The following BNC2 variants were observed in gnomAD, a reference collection of about 807,000 sequenced individuals.
BNC2 encodes the protein zinc finger protein basonuclin-2.
In BNC2, 20 loss-of-function variants were observed where a neutral mutation model predicts 76.3. The ratio of observed to expected loss-of-function variants is 0.26; its 90% CI spans 0.18 to 0.38. The LOEUF (loss-of-function observed/expected upper bound fraction) is 0.38. BNC2 is among the 10% of genes least tolerant of loss of function. The pLI is 1.00. For missense variants in BNC2, 1,382 were observed against 1,399.8 expected (o/e 0.99, Z 0.20); for synonymous variants, 582 against 514.8 (o/e 1.13, Z -1.77).
At chr9:16,448,553 C>T (rs963802405) in intron 5 of BNC2, among the ~76,000 whole-genome samples, 2 of 152,034 alleles carry the variant, frequency 1.3e-5, no homozygotes, top group African/African-American at 4.8e-5. Context: ...GATTGAACAA[C>T]CCCAAGGAAC....
At chr9:16,498,603 A>C (rs1163790587) in intron 5 of BNC2, among the ~76,000 whole-genome samples, 1 of 151,618 alleles carries the variant, frequency 6.6e-6, no homozygotes, top group Non-Finnish European at 1.5e-5. Context: ...CTCATAAATC[A>C]CCACTAAAGA....
At chr9:16,638,036 C>G (rs1001945893) in intron 3 of BNC2, among the ~76,000 whole-genome samples, 1 of 152,136 alleles carries the variant, frequency 6.6e-6, no homozygotes, top group Non-Finnish European at 1.5e-5. Context: ...TGGATGACTC[C>G]GAGCAGGATT....
intron 1 of BNC2, among the ~76,000 whole-genome samples, chr9:16,859,493 A>G (rs1269669381): frequency 2.0e-5 from 3 of 152,254 alleles, no homozygotes; most frequent in African/African-American, 4.8e-5. Context: ...GTATATACAT[A>G]TGATGAAATA....
intron 3 of BNC2, among the ~76,000 whole-genome samples, chr9:16,693,298 A>C (rs1324912401): frequency 6.6e-6 from 1 of 152,128 alleles, no homozygotes; most frequent in African/African-American, 2.4e-5. Flanking sequence ...AAAAGTAAAG[A>C]GTTTCCAGAG....
At chr9:16,777,679 C>T (rs1395256081) in intron 1 of BNC2, among the ~76,000 whole-genome samples, 13 of 134,312 alleles carry the variant, frequency 9.7e-5, no homozygotes, top group Non-Finnish European at 1.7e-4. Context: ...CCAGCCTTGG[C>T]GACAGGGCAA....
In BNC2 at chr9:16,607,474, G is replaced by A. The variant is rs551358276; in HGVS notation, c.331-24389C>T. 8.5e-5 allele frequency among the ~76,000 whole-genome samples: 13 copies of A among 152,230 alleles called. 1 individual carries two copies. The highest frequency in any genetic ancestry group is 2.2e-4 in the African/African-American group (9 of 41,544). On this transcript the variant is annotated intron_variant, in intron 3 of 6. Coordinates refer to ENST00000380672, the MANE Select transcript of BNC2 (RefSeq NM_017637.6). The stretch of plus-strand genomic sequence containing the variant: ...TTAGGCAGGTGGTTAAACTAAACAC[G>A]TCTAAAGGAAAGAGTTTTGATAACG...
At chr9:16,742,028 G>A (rs1824867317) in intron 1 of BNC2, among the ~76,000 whole-genome samples, 2 of 148,442 alleles carry the variant, frequency 1.3e-5, no homozygotes, top group Non-Finnish European at 3.0e-5. Context: ...ATAAATCATT[G>A]TCATTATGCA....
intron 3 of BNC2, among the ~76,000 whole-genome samples, chr9:16,701,502 G>C (rs1186499597): frequency 6.6e-6 from 1 of 152,172 alleles, no homozygotes; most frequent in Non-Finnish European, 1.5e-5. Context: ...AAAGTTATTA[G>C]TTAACAATTT....
At chr9:16,464,091 C>G (rs1821650637) in intron 5 of BNC2, among the ~76,000 whole-genome samples, 2 of 89,944 alleles carry the variant, frequency 2.2e-5, no homozygotes, top group Admixed American at 1.7e-4. Flanking sequence ...AAGACCCTGT[C>G]TCCAAAAAAA....
intron 3 of BNC2, among the ~76,000 whole-genome samples, chr9:16,613,961 T>C (rs949657401): frequency 1.3e-5 from 2 of 152,138 alleles, no homozygotes; most frequent in African/African-American, 4.8e-5. Context: ...AGATGAGCAG[T>C]ACCATATGGA....
intron 1 of BNC2, among the ~76,000 whole-genome samples, chr9:16,840,242 T>C (rs373840981): frequency 1.3e-5 from 2 of 152,294 alleles, no homozygotes; most frequent in African/African-American, 4.8e-5. Context: ...AACCTTACTA[T>C]TCCTTAATTT....
intron 1 of BNC2, among the ~76,000 whole-genome samples, chr9:16,856,359 G>C (rs951892761): frequency 1.3e-5 from 2 of 152,048 alleles, no homozygotes; most frequent in African/African-American, 4.8e-5. Flanking sequence ...TCATGTCAGC[G>C]ACTGGTTGCT....
intron 3 of BNC2, among the ~76,000 whole-genome samples, chr9:16,637,267 C>T (rs11790341): frequency 0.31 from 47,586 of 152,016 alleles, 7,697 homozygotes; most frequent in Non-Finnish European, 0.34. Context: ...AACTGACAAG[C>T]AAAATTTAAA....
chr9:16,699,340 T>G, intron 3 of BNC2: 1 of 331,836 alleles, frequency 3.0e-6, no homozygotes, highest in Non-Finnish European at 5.9e-6. Flanking sequence ...AATCAGTGCC[T>G]TGCTTCTGGG....
At chr9:16,560,930 AGGGTT>A (rs1818993715) in intron 4 of BNC2, among the ~76,000 whole-genome samples, 1 of 152,160 alleles carries the variant, frequency 6.6e-6, no homozygotes. Context: ...CAGAAGTAAG[AGGGTT>A]GTTTTAACTT....
chr9:16,474,313 G>A (rs1359198748), intron 5 of BNC2, among the ~76,000 whole-genome samples: 1 of 152,144 alleles, frequency 6.6e-6, no homozygotes, highest in African/African-American at 2.4e-5. Flanking sequence ...TGAAACAGCA[G>A]AAAGAAGAAC....
chr9:16,741,172 G>T (rs977888881), intron 1 of BNC2, among the ~76,000 whole-genome samples: 1 of 152,170 alleles, frequency 6.6e-6, no homozygotes. Context: ...GGTCCAACTG[G>T]AAAGGGTAAA....
rs1384632779 is a variant in BNC2 at position 16,678,318 on chromosome 9, G to A, written c.330+49479C>T. Among the ~76,000 whole-genome samples, 16 of 109,860 alleles carry A rather than the reference G, an allele frequency of 1.5e-4. No homozygotes were observed. In the South Asian group the frequency reaches 2.6e-3, roughly 18 times the overall value. 72.1% of individuals were successfully genotyped at this position (109,860 alleles called of 152,430 possible). A position where few individuals can be genotyped will look rare whatever the true frequency, so the allele number is the denominator to read the frequency against. On this transcript the variant is annotated intron_variant, in intron 3 of 6. Transcript: ENST00000380672. Reference sequence around the variant, plus strand: ...TTTTGAGACAGAGTCTTGCTCTGTCGCCCAGGCTGGAGTGCAGTGGTGCAA... The same window carrying A: ...TTTTGAGACAGAGTCTTGCTCTGTCACCCAGGCTGGAGTGCAGTGGTGCAA...
chr9:16,469,473 G>T (rs1327254127), intron 5 of BNC2, among the ~76,000 whole-genome samples: 1 of 152,196 alleles, frequency 6.6e-6, no homozygotes. Flanking sequence ...CTCTCACCAT[G>T]ATTCTGAGGC....
Sources: allele counts gnomAD v4.1 joint callset (sites outside exome capture counted in the v4.1 genomes callset), GRCh38; gene constraint gnomAD v4.1.1; transcripts MANE v1.5; gene names NCBI Gene and HGNC (gene_info 2026-07-23, HGNC 2026-07-21).